The following PALM2AKAP2 variants were observed in gnomAD, a reference collection of about 807,000 sequenced individuals.
PALM2AKAP2 encodes the protein PALM2 and AKAP2 fusion.
In PALM2AKAP2, 37 loss-of-function variants were observed where a neutral mutation model predicts 71.5. That is an observed-to-expected ratio of 0.52 (90% CI 0.40 to 0.68). The LOEUF (loss-of-function observed/expected upper bound fraction) is 0.68, where lower values mean the gene tolerates loss of function less well. PALM2AKAP2 is among the 30% of genes least tolerant of loss of function. The probability of loss-of-function intolerance (pLI) is 0.00; values close to 1 mark genes in which losing one functional copy is unlikely to be tolerated. For synonymous variants in PALM2AKAP2, 468 were observed against 478.8 expected (o/e 0.98, Z 0.29); for missense variants, 1,224 against 1,191.8 (o/e 1.03, Z -0.40).
intron 1 of PALM2AKAP2, among the ~76,000 whole-genome samples, chr9:109,688,441 A>T (rs1448941372): frequency 1.3e-5 from 2 of 152,302 alleles, no homozygotes; most frequent in Middle Eastern, 3.4e-3. Context: ...CTCTATCTTG[A>T]GTGTCTTAGG....
At chr9:109,982,627 T>A (rs1245534751) in intron 6 of PALM2AKAP2, among the ~76,000 whole-genome samples, 1 of 152,058 alleles carries the variant, frequency 6.6e-6, no homozygotes, top group African/African-American at 2.4e-5. Flanking sequence ...ACAGTAAAAT[T>A]TTTTTAAAGA....
intron 1 of PALM2AKAP2, among the ~76,000 whole-genome samples, chr9:109,810,114 G>A (rs1285919023): frequency 6.6e-6 from 1 of 152,200 alleles, no homozygotes; most frequent in Non-Finnish European, 1.5e-5. Flanking sequence ...TTTGGCTGGT[G>A]GTGGTGGGGA....
chr9:110,146,401 T>C (rs1478466886), intron 2 of PALM2AKAP2, among the ~76,000 whole-genome samples: 1 of 152,196 alleles, frequency 6.6e-6, no homozygotes, highest in African/African-American at 2.4e-5. Context: ...GGTTGGCTCC[T>C]GCTGGTGCTG....
At position 109,931,764 on chromosome 9, in the gene PALM2AKAP2, A is replaced by C. The variant is rs553276882; in HGVS notation, c.395-163A>C. Among the ~76,000 whole-genome samples the C allele has an allele frequency of 3.3e-5, 5 of 152,304 alleles. No individual in the cohort carries two copies. In the South Asian group the frequency reaches 1.0e-3, roughly 32 times the overall value. On this transcript the variant is annotated intron_variant, in intron 5 of 9. Transcript: ENST00000302798. Reference sequence around the variant, plus strand: ...TCCTGCCTCAGCTACTCTGCTGAATACCAGTCACTGGGCAAATGCTTGTCT... The same window carrying C: ...TCCTGCCTCAGCTACTCTGCTGAATCCCAGTCACTGGGCAAATGCTTGTCT...
At chr9:110,142,068 C>CTTTTTTTT (rs994621645) in intron 2 of PALM2AKAP2, among the ~76,000 whole-genome samples, 1 of 121,842 alleles carries the variant, frequency 8.2e-6, no homozygotes, top group Non-Finnish European at 1.8e-5. Context: ...TCTTATTTTA[C>CTTTTTTTT]TTTTTTTTTT....
At chr9:109,644,698 T>G (rs189373203) in intron 1 of PALM2AKAP2, among the ~76,000 whole-genome samples, 68 of 152,358 alleles carry the variant, frequency 4.5e-4, no homozygotes, top group Non-Finnish European at 8.1e-4. Flanking sequence ...AATGCTTTGC[T>G]GCTTAGGAAT....
At chr9:109,891,515 C>T (rs1428157825) in intron 3 of PALM2AKAP2, among the ~76,000 whole-genome samples, 1 of 152,080 alleles carries the variant, frequency 6.6e-6, no homozygotes, top group Non-Finnish European at 1.5e-5. Flanking sequence ...GACAGAGTCT[C>T]ACTCACTCTG....
intron 6 of PALM2AKAP2, among the ~76,000 whole-genome samples, chr9:109,942,391 T>G (rs1289545449): frequency 1.3e-5 from 2 of 152,244 alleles, no homozygotes; most frequent in Admixed American, 1.3e-4. Flanking sequence ...ATGAAATTCT[T>G]CACACTAAGA....
intron 3 of PALM2AKAP2, among the ~76,000 whole-genome samples, chr9:110,163,123 ATT>A (rs1339343922): frequency 6.6e-6 from 1 of 150,892 alleles, no homozygotes; most frequent in Non-Finnish European, 1.5e-5. Context: ...TATTTTGTCC[ATT>A]TTTTCTTTTT....
At chr9:109,746,769 A>C (rs1587892428) in intron 1 of PALM2AKAP2, among the ~76,000 whole-genome samples, 1 of 152,192 alleles carries the variant, frequency 6.6e-6, no homozygotes, top group South Asian at 2.1e-4. Context: ...TTCATTTTGC[A>C]GATGAGGAAA....
chr9:110,136,942 T>A (rs376115343), exon 2 of PALM2AKAP2: 426 of 1,614,014 alleles, frequency 2.6e-4, no homozygotes, highest in Non-Finnish European at 3.4e-4. Context: ...AGAAGAATCC[T>A]GGCATTGCAG....
intron 3 of PALM2AKAP2, among the ~76,000 whole-genome samples, chr9:110,161,560 C>T (rs140375806): frequency 6.6e-6 from 1 of 152,278 alleles, no homozygotes; most frequent in East Asian, 1.9e-4. Context: ...AGGGTTCTGA[C>T]GAGGGAGGCT....
At chr9:109,782,744 T>TTGTGTGTGTGTGTGTGTGTG (rs71492863) in intron 1 of PALM2AKAP2, among the ~76,000 whole-genome samples, 2 of 144,196 alleles carry the variant, frequency 1.4e-5, no homozygotes, top group South Asian at 4.4e-4. Context: ...GTGTGTTTGT[T>TTGTGTGTGTGTGTGTGTGTG]TGTGTGTGTG....
intron 1 of PALM2AKAP2, among the ~76,000 whole-genome samples, chr9:109,789,392 G>A (rs897500244): frequency 3.9e-5 from 6 of 152,172 alleles, no homozygotes; most frequent in African/African-American, 1.4e-4. Flanking sequence ...AGCAACTGAT[G>A]TTCATTTACT....
chr9:109,739,238 T>G (rs1005897956), intron 1 of PALM2AKAP2, among the ~76,000 whole-genome samples: 6 of 152,204 alleles, frequency 3.9e-5, no homozygotes, highest in Non-Finnish European at 8.8e-5. Context: ...TTAGACAACA[T>G]CTAAGCATTG....
chr9:109,904,336 A>G (rs1258205207), intron 3 of PALM2AKAP2, among the ~76,000 whole-genome samples: 1 of 152,150 alleles, frequency 6.6e-6, no homozygotes, highest in African/African-American at 2.4e-5. Context: ...AATAATCCCT[A>G]ATTGCTGTGA....
intron 6 of PALM2AKAP2, among the ~76,000 whole-genome samples, chr9:110,000,073 C>CAT (rs1397190235): frequency 6.6e-6 from 1 of 150,914 alleles, no homozygotes; most frequent in African/African-American, 2.4e-5. Flanking sequence ...AGGTTTGTTA[C>CAT]ATATATATAC....
chr9:110,000,368 T>C (rs1832660583), intron 6 of PALM2AKAP2, among the ~76,000 whole-genome samples: 1 of 152,184 alleles, frequency 6.6e-6, no homozygotes, highest in South Asian at 2.1e-4. Context: ...CTGTATAGTA[T>C]TCCATGGTGT....
Position 109,754,809 on chromosome 9 carries a change from C to T in PALM2AKAP2, c.6-25679C>T, listed in dbSNP as rs540757442. Reference sequence around the variant, plus strand: ...CTCCACCCTCACAACCCAATTACTCCCCGAAGGCCTCAACTCCAAATACCA... The same window carrying T: ...CTCCACCCTCACAACCCAATTACTCTCCGAAGGCCTCAACTCCAAATACCA... On this transcript the variant is annotated intron_variant, in intron 1 of 6. Transcript: ENST00000374531. Among the ~76,000 whole-genome samples, 29 of 152,210 alleles carry T rather than the reference C, an allele frequency of 1.9e-4. 2 individuals carry two copies. In the South Asian group the frequency reaches 6.0e-3, roughly 32 times the overall value.
Sources: gnomAD v4.1 joint callset for allele counts (sites outside exome capture counted in the v4.1 genomes callset) on GRCh38, gnomAD v4.1.1 for gene constraint, MANE v1.5 for transcripts, NCBI Gene and HGNC (gene_info 2026-07-23, HGNC 2026-07-21) for gene names.